GRID2: variants seen among roughly 807,000 people sequenced by gnomAD.
The protein encoded by GRID2 is glutamate receptor ionotropic, delta-2.
In GRID2, 33 loss-of-function variants were observed where a neutral mutation model predicts 114.8. The observed-to-expected ratio is 0.29, with a 90% confidence interval of 0.22 to 0.38. GRID2 has a LOEUF of 0.38. GRID2 is among the 10% of genes least tolerant of loss of function. The pLI, the probability that GRID2 is intolerant of heterozygous loss-of-function variation, is 1.00. For missense variants in GRID2, 1,184 were observed against 1,257.7 expected (o/e 0.94, Z 0.89); for synonymous variants, 505 against 449.9 (o/e 1.12, Z -1.55).
At position 92,883,529 on chromosome 4, in the gene GRID2, A is replaced by C. The variant is rs1746161484; in HGVS notation, c.245-201466A>C. Among the ~76,000 whole-genome samples, 3 of 152,208 alleles carry C rather than the reference A, an allele frequency of 2.0e-5. No homozygotes were observed. In the South Asian group the frequency reaches 6.2e-4, roughly 31 times the overall value. On this transcript the variant is annotated intron_variant, in intron 2 of 15. Transcript: ENST00000282020. ...CAATTTATTTTCCCAGATTCATCAG[A>C]GGAATCACTGTCTATGGTAGCTAGA...
chr4:92,446,578 G>T (rs1190391576), intron 1 of GRID2, among the ~76,000 whole-genome samples: 1 of 152,208 alleles, frequency 6.6e-6, no homozygotes, highest in Non-Finnish European at 1.5e-5. Context: ...GATTCAATCT[G>T]AATCCAAGCT....
intron 2 of GRID2, among the ~76,000 whole-genome samples, chr4:93,043,557 C>T (rs184298961): frequency 1.1e-3 from 172 of 151,958 alleles, no homozygotes; most frequent in Admixed American, 2.8e-3. Flanking sequence ...AGTTTATTTC[C>T]GAAAGTGTGA....
chr4:92,395,440 C>A (rs896708323), intron 1 of GRID2, among the ~76,000 whole-genome samples: 1 of 151,668 alleles, frequency 6.6e-6, no homozygotes, highest in Non-Finnish European at 1.5e-5. Flanking sequence ...CGAAACCCTT[C>A]ATTACTTAAT....
chr4:92,947,732 T>C (rs1289972592), intron 2 of GRID2, among the ~76,000 whole-genome samples: 1 of 151,626 alleles, frequency 6.6e-6, no homozygotes, highest in African/African-American at 2.4e-5. Flanking sequence ...GTGTTTGTAA[T>C]GATGTAGTGA....
intron 2 of GRID2, among the ~76,000 whole-genome samples, chr4:92,823,389 AT>A (rs1040636900): frequency 1.3e-5 from 2 of 152,134 alleles, no homozygotes; most frequent in African/African-American, 2.4e-5. Flanking sequence ...ATCTATTGAT[AT>A]TTGCTAAATT....
intron 8 of GRID2, among the ~76,000 whole-genome samples, chr4:93,335,749 G>A (rs1350681878): frequency 2.0e-5 from 3 of 147,388 alleles, no homozygotes; most frequent in African/African-American, 5.2e-5. Flanking sequence ...AGGCTGCAGT[G>A]CAGTGGCATG....
At chr4:92,415,450 C>A (rs1219223914) in intron 1 of GRID2, among the ~76,000 whole-genome samples, 1 of 151,536 alleles carries the variant, frequency 6.6e-6, no homozygotes, top group Admixed American at 6.6e-5. Flanking sequence ...CCTGTGTAGT[C>A]TTTTATTCCT....
At chr4:93,637,718 C>T (rs962860325) in intron 14 of GRID2, among the ~76,000 whole-genome samples, 6 of 152,092 alleles carry the variant, frequency 3.9e-5, no homozygotes, top group Admixed American at 6.6e-5. Flanking sequence ...AGCTATGGGA[C>T]GATACTGAAA....
intron 2 of GRID2, among the ~76,000 whole-genome samples, chr4:92,895,731 C>A (rs1310768409): frequency 2.6e-5 from 4 of 151,998 alleles, no homozygotes; most frequent in African/African-American, 9.7e-5. Flanking sequence ...GACATTATAC[C>A]AGGCACTTTA....
chr4:93,397,096 T>A (rs569723271), intron 9 of GRID2, among the ~76,000 whole-genome samples: 1 of 152,146 alleles, frequency 6.6e-6, no homozygotes, highest in Non-Finnish European at 1.5e-5. Context: ...CCTTTGTACA[T>A]TGTTTACTAC....
At chr4:92,390,032 C>T (rs1410573066) in intron 1 of GRID2, among the ~76,000 whole-genome samples, 3 of 151,848 alleles carry the variant, frequency 2.0e-5, no homozygotes, top group Non-Finnish European at 1.5e-5. Flanking sequence ...TTTAACAGAG[C>T]CAATTTTAAG....
chr4:93,385,061 T>C (rs549726260), intron 8 of GRID2, among the ~76,000 whole-genome samples: 1 of 152,122 alleles, frequency 6.6e-6, no homozygotes, highest in Non-Finnish European at 1.5e-5. Flanking sequence ...TCAAAGTTGA[T>C]AAAAATACTC....
At chr4:93,192,940 T>A (rs1317953094) in intron 4 of GRID2, among the ~76,000 whole-genome samples, 1 of 152,116 alleles carries the variant, frequency 6.6e-6, no homozygotes, top group Non-Finnish European at 1.5e-5. Context: ...TTAAAATGTG[T>A]TACACCAATG....
At chr4:93,259,432 T>C (rs1359185086) in intron 8 of GRID2, among the ~76,000 whole-genome samples, 1 of 151,830 alleles carries the variant, frequency 6.6e-6, no homozygotes, top group African/African-American at 2.4e-5. Context: ...CTGTGTTCAT[T>C]ACCTTGATTT....
rs1206143639 is a variant in GRID2, at chr4:93,680,050, AAGAG to A, written c.2360+53619_2360+53622del. Among the ~76,000 whole-genome samples the A allele has an allele frequency of 2.0e-5, 3 of 151,276 alleles. 1 individual carries two copies. The highest frequency in any genetic ancestry group is 6.6e-5 in the Admixed American group (1 of 15,240). On this transcript the variant is annotated intron_variant, in intron 14 of 15. Coordinates refer to ENST00000282020, the MANE Select transcript of GRID2 (RefSeq NM_001510.4). ...CGCTAGCAAGACTAATAAAGAAAAA[AAGAG>A]AGAAGAATCAAATAGATGCAATAAA...
chr4:93,457,702 T>C (rs1466147242), intron 11 of GRID2, among the ~76,000 whole-genome samples: 1 of 152,138 alleles, frequency 6.6e-6, no homozygotes, highest in African/African-American at 2.4e-5. Flanking sequence ...TGATTACCTA[T>C]AGCGTGGTGT....
intron 1 of GRID2, among the ~76,000 whole-genome samples, chr4:92,453,490 C>T (rs1343187927): frequency 6.6e-6 from 1 of 152,066 alleles, no homozygotes; most frequent in Non-Finnish European, 1.5e-5. Flanking sequence ...ACATAAGTAT[C>T]AAAAACCGAT....
chr4:93,647,824 CA>C (rs1180612864), intron 14 of GRID2, among the ~76,000 whole-genome samples: 2 of 152,064 alleles, frequency 1.3e-5, no homozygotes, highest in African/African-American at 2.4e-5. Context: ...ATATAAGGAA[CA>C]AATGAAAAAG....
At position 92,596,696 on chromosome 4, in the gene GRID2, G is replaced by GA. The variant is rs371770236; in HGVS notation, c.244+6421dup. Among the ~76,000 whole-genome samples the GA allele has an allele frequency of 3.6e-3, 497 of 139,328 alleles. 1 individual carries two copies. Among genetic ancestry groups the GA allele is most frequent in the African/African-American group, 8.5e-3 (320 of 37,708 alleles). The allele number at this position is 139,328 out of a possible 152,430, so 91.4% of individuals were successfully genotyped here. ...TAGAGACAACACCAATATGCATTAAGAAAAAAAAAAACAGCTCACACAAAC... is the reference window on the plus strand; with the variant it reads ...TAGAGACAACACCAATATGCATTAAGAAAAAAAAAAAACAGCTCACACAAAC... On this transcript the variant is annotated intron_variant, in intron 2 of 15. Coordinates refer to ENST00000282020, the MANE Select transcript of GRID2 (RefSeq NM_001510.4).
Sources: allele counts gnomAD v4.1 joint callset (sites outside exome capture counted in the v4.1 genomes callset), GRCh38; gene constraint gnomAD v4.1.1; transcripts MANE v1.5; gene names NCBI Gene and HGNC (gene_info 2026-07-23, HGNC 2026-07-21).